The following AHNAK variants were observed in gnomAD, a reference collection of about 807,000 sequenced individuals.
The protein encoded by AHNAK is AHNAK nucleoprotein.
Under a neutral mutation model 37.8 loss-of-function variants are expected in AHNAK, and 23 were observed. The ratio of observed to expected loss-of-function variants is 0.61; its 90% confidence interval spans 0.44 to 0.86. AHNAK has a LOEUF of 0.86. AHNAK is among the 40% of genes least tolerant of loss of function. The pLI is 0.00. For synonymous variants in AHNAK, 2,481 were observed against 2,636.3 expected, an observed-to-expected ratio of 0.94 and a Z score of 1.80; for missense variants, 7,411 against 7,319.4, an observed-to-expected ratio of 1.01 and a Z score of -0.46.
At chr11:62,481,546 C>G (rs1939273757) in intron 5 of AHNAK, among the ~76,000 whole-genome samples, 1 of 152,032 alleles carries the variant, frequency 6.6e-6, no homozygotes, top group Non-Finnish European at 1.5e-5. Context: ...TCTAGCAAGT[C>G]ACCCTTCAAT....
chr11:62,509,613 T>C (rs1472297851), intron 4 of AHNAK, among the ~76,000 whole-genome samples: 2 of 151,094 alleles, frequency 1.3e-5, no homozygotes, highest in Non-Finnish European at 2.9e-5. Flanking sequence ...TCATCAACAA[T>C]TGAACCCCAA....
At position 62,533,692 on chromosome 11, in the gene AHNAK, G is replaced by C; in HGVS notation, c.725C>G (p.Ser242Trp). ...CCCAGGCATGGTGACCTGGAGCTTC[G>C]AGTGGCCAGCACCTTGGAGCTCTGG... ...SGPELQGAGH[S>W]KLQVTMPGIK... Residue 242 changes from serine (S) to tryptophan (W), a missense_variant, in exon 5 of 5, where the codon TCG becomes TGG. By Grantham distance (177) the Ser-to-Trp change is radical. Coordinates refer to ENST00000378024, the MANE Select transcript of AHNAK (RefSeq NM_001620.3). The C allele has an allele frequency of 6.2e-7, 1 of 1,614,106 alleles. No homozygotes were observed. Among genetic ancestry groups the C allele is most frequent in the South Asian group, 1.1e-5 (1 of 91,070 alleles).
rs949621628 is a variant in AHNAK at position 62,480,396 on chromosome 11, T to G, written c.442+11336A>C. Among the ~76,000 whole-genome samples the G allele has an allele frequency of 2.6e-5, 4 of 152,150 alleles. No individual in the cohort carries two copies. The South Asian group carries it at 8.3e-4, about 32-fold the overall frequency. ...GCCTGACTTTGCCAGGCACAGTGAC[T>G]CACGCCTGTAATCCCAGCACTTTGG... On this transcript the variant is annotated intron_variant, in intron 5 of 5. Transcript: ENST00000257247.
At chr11:62,541,591 G>GA (rs1022641009) in intron 1 of AHNAK, among the ~76,000 whole-genome samples, 7 of 151,268 alleles carry the variant, frequency 4.6e-5, no homozygotes, top group East Asian at 1.9e-4. Flanking sequence ...CATGTTGAAA[G>GA]AAAAAAAAAC....
At chr11:62,544,666 C>T (rs1322748893) in intron 1 of AHNAK, among the ~76,000 whole-genome samples, 1 of 152,120 alleles carries the variant, frequency 6.6e-6, no homozygotes, top group African/African-American at 2.4e-5. Context: ...CCACTATCCA[C>T]GCGGTGGGGG....
intron 4 of AHNAK, among the ~76,000 whole-genome samples, chr11:62,502,460 A>C (rs769073687): frequency 2.2e-4 from 33 of 152,240 alleles, no homozygotes; most frequent in Non-Finnish European, 4.1e-4. Flanking sequence ...TTGGAGCACC[A>C]GTCGCTGAGG....
chr11:62,492,219 G>T (rs1188029473), intron 4 of AHNAK, among the ~76,000 whole-genome samples: 3 of 152,124 alleles, frequency 2.0e-5, no homozygotes, highest in Non-Finnish European at 4.4e-5. Flanking sequence ...AAGAAAGGAG[G>T]GTTTTATTGT....
At chr11:62,535,843 G>T in intron 3 of AHNAK, 102 bp downstream of exon 3, 1 of 1,448,800 alleles carries the variant, frequency 6.9e-7, no homozygotes, top group Non-Finnish European at 9.2e-7. Context: ...ATGGGCCCTC[G>T]ACAGCCACTC....
At chr11:62,539,760 T>C (rs1941066829) in intron 1 of AHNAK, among the ~76,000 whole-genome samples, 1 of 152,230 alleles carries the variant, frequency 6.6e-6, no homozygotes, top group Non-Finnish European at 1.5e-5. Flanking sequence ...AGGTTGGCCC[T>C]GGCAGGGCAC....
intron 5 of AHNAK, among the ~76,000 whole-genome samples, chr11:62,451,308 C>T (rs548042015): frequency 2.6e-5 from 4 of 151,022 alleles, no homozygotes; most frequent in Non-Finnish European, 4.4e-5. Flanking sequence ...CCATCCAGGA[C>T]CCTCCTCATT....
chr11:62,442,928 C>A (rs1485402260), intron 5 of AHNAK, among the ~76,000 whole-genome samples: 1 of 151,924 alleles, frequency 6.6e-6, no homozygotes, highest in Non-Finnish European at 1.5e-5. Flanking sequence ...GATGAGGATG[C>A]ACCTGGGTGA....
Position 62,529,585 on chromosome 11 carries a change from G to C in AHNAK, c.4832C>G (p.Pro1611Arg). 6.2e-7 allele frequency: 1 copy of C among 1,614,102 alleles called. No individual in the cohort carries two copies. Among genetic ancestry groups the C allele is most frequent in the Non-Finnish European group, 8.5e-7 (1 of 1,180,026 alleles). Residue 1611 changes from proline to arginine, a missense_variant, in exon 5 of 5, where the codon CCT becomes CGT. Physicochemically the swap from Pro to Arg is moderately radical, Grantham distance 103. Coordinates refer to ENST00000378024, the MANE Select transcript of AHNAK (RefSeq NM_001620.3). ...LPKVEGDLKG[P>R]EIDVKAPKMD... is the part of the protein sequence containing the mutation. ...CTTAGGGGCTTTCACATCAATTTCA[G>C]GACCCTTCAAGTCTCCTTCCACTTT...
intron 4 of AHNAK, among the ~76,000 whole-genome samples, chr11:62,509,289 C>A (rs780560276): frequency 6.6e-6 from 1 of 152,114 alleles, no homozygotes; most frequent in Non-Finnish European, 1.5e-5. Flanking sequence ...AATAAACAGC[C>A]GGGCACGGTG....
In AHNAK at chr11:62,490,646, C is replaced by T. The variant is rs1453552668; in HGVS notation, c.442+1086G>A. Among the ~76,000 whole-genome samples the T allele has an allele frequency of 5.9e-5, 9 of 152,160 alleles. 1 individual carries two copies. Among genetic ancestry groups the T allele is most frequent in the Non-Finnish European group, 8.8e-5 (6 of 68,006 alleles). On this transcript the variant is annotated intron_variant, in intron 5 of 5. Coordinates refer to the AHNAK transcript ENST00000257247. ...ATGGAGGAAGGAGGGTCCACAGGAG[C>T]GGATAGAAGGAAGCGGAGCTCCCTT...
chr11:62,507,284 T>A (rs962826081), intron 4 of AHNAK, among the ~76,000 whole-genome samples: 2 of 152,114 alleles, frequency 1.3e-5, no homozygotes, highest in African/African-American at 4.8e-5. Flanking sequence ...TCTTTGTCTG[T>A]TAAATGAAAA....
At chr11:62,455,599 G>T (rs1220204501) in intron 5 of AHNAK, among the ~76,000 whole-genome samples, 2 of 152,074 alleles carry the variant, frequency 1.3e-5, no homozygotes, top group African/African-American at 2.4e-5. Flanking sequence ...CAGCTACTCA[G>T]GAGGCTGAGG....
chr11:62,496,767 C>T (rs956679715), intron 4 of AHNAK, among the ~76,000 whole-genome samples: 1 of 150,630 alleles, frequency 6.6e-6, no homozygotes, highest in Admixed American at 6.7e-5. Context: ...TGCACTCCAG[C>T]CTGAGCAGCA....
intron 5 of AHNAK, among the ~76,000 whole-genome samples, chr11:62,475,801 C>G (rs1016851594): frequency 2.6e-5 from 4 of 151,708 alleles, no homozygotes; most frequent in African/African-American, 9.7e-5. Flanking sequence ...GACGAGGTTT[C>G]ACCATGTTGG....
At position 62,522,221 on chromosome 11, in the gene AHNAK, G is replaced by A. The variant is rs767305852; in HGVS notation, c.12196C>T (p.Pro4066Ser). The A allele has an allele frequency of 1.6e-5, 26 of 1,612,326 alleles. No individual in the cohort carries two copies. The South Asian group carries it at 2.6e-4, about 16-fold the overall frequency. Residue 4066 changes from proline (P) to serine (S), a missense_variant, in exon 5 of 5, where the codon CCC becomes TCC. Physicochemically the swap from Pro to Ser is moderately conservative, Grantham distance 74. Coordinates refer to ENST00000378024, the MANE Select transcript of AHNAK (RefSeq NM_001620.3). The part of the protein sequence containing the change: ...WHLKMPKVKM[P>S]KFSMPGFKGE... ...TTAAATCCTGGCATGCTGAATTTGG[G>A]CATTTTCACCTTGGGCATCTTCAGG...
Sources: allele counts gnomAD v4.1 joint callset (sites outside exome capture counted in the v4.1 genomes callset), GRCh38; gene constraint gnomAD v4.1.1; transcripts MANE v1.5; gene names NCBI Gene and HGNC (gene_info 2026-07-23, HGNC 2026-07-21).